Variants in ASXL1 observed in about 807,000 individuals in gnomAD.
ASXL1 encodes the protein polycomb group protein ASXL1.
In ASXL1, 65 loss-of-function variants were observed where a neutral mutation model predicts 89.1. That is an observed-to-expected ratio of 0.73 (90% CI 0.60 to 0.90). The LOEUF (loss-of-function observed/expected upper bound fraction) is 0.90, where lower values mean the gene tolerates loss of function less well. Ranked by LOEUF, ASXL1 falls within the 40% of genes least tolerant of loss-of-function variation. The pLI, the probability that ASXL1 is intolerant of heterozygous loss-of-function variation, is 0.00. For synonymous variants in ASXL1, 739 were observed against 746.9 expected (o/e 0.99, Z 0.17); for missense variants, 1,786 against 1,942.9 (o/e 0.92, Z 1.52).
At position 32,361,078 on chromosome 20, in the gene ASXL1, T is replaced by C. The variant is rs551733707; in HGVS notation, c.57+2246T>C. Among the ~76,000 whole-genome samples, 153 of 151,908 alleles carry C rather than the reference T, an allele frequency of 1.0e-3. 1 individual carries two copies. The highest frequency in any genetic ancestry group is 3.3e-3 in the African/African-American group (138 of 41,426). On this transcript the variant is annotated intron_variant, in intron 1 of 12. Transcript: ENST00000375687. ...TAGGAATTACTTTGTGGTGCTGTTA[T>C]ACATGTGAAAAAGGATTTGCGAGAC... is the stretch of plus-strand genomic sequence containing the variant.
intron 4 of ASXL1, among the ~76,000 whole-genome samples, chr20:32,420,791 A>T (rs189896594): frequency 6.6e-6 from 1 of 152,272 alleles, no homozygotes; most frequent in Admixed American, 6.5e-5. Context: ...TTTTTAAAAG[A>T]CAACTCAAAA....
intron 4 of ASXL1, among the ~76,000 whole-genome samples, chr20:32,394,592 T>C (rs559240223): frequency 3.9e-4 from 59 of 152,274 alleles, no homozygotes; most frequent in Non-Finnish European, 3.8e-4. Context: ...AAGAACCTTA[T>C]AGCAGTACAC....
chr20:32,398,746 A>G (rs891993116), intron 4 of ASXL1, among the ~76,000 whole-genome samples: 5 of 149,022 alleles, frequency 3.4e-5, no homozygotes, highest in Non-Finnish European at 1.5e-5. Context: ...AGTAGCTGGG[A>G]CTACAGGCGC....
chr20:32,428,455 T>C (rs1248958408), intron 6 of ASXL1, 33 bp downstream of exon 6: 1 of 1,563,512 alleles, frequency 6.4e-7, no homozygotes, highest in Admixed American at 1.7e-5. Flanking sequence ...CCTGGGAGGA[T>C]GAATGATGAC....
At chr20:32,416,215 A>T (rs2049135673) in intron 4 of ASXL1, among the ~76,000 whole-genome samples, 1 of 152,194 alleles carries the variant, frequency 6.6e-6, no homozygotes, top group South Asian at 2.1e-4. Context: ...TATATAGTAA[A>T]TTATTGTTTA....
chr20:32,429,277 G>A lies in ASXL1; in HGVS notation c.472-61G>A, dbSNP rs2011442384. 1 of 1,512,868 alleles carries A rather than the reference G, an allele frequency of 6.6e-7. No individual in the cohort carries two copies. Among genetic ancestry groups the A allele is most frequent in the Admixed American group, 1.8e-5 (1 of 56,832 alleles). 93.7% of individuals were successfully genotyped at this position (1,512,868 alleles called of 1,614,324 possible). ...GCGTGAGTAGAGATAGTGTCGCCAG[G>A]GAATGCTTTTGTGGCTCTGCAGTTG... On this transcript the variant is annotated intron_variant, in intron 6 of 12. Transcript: ENST00000375687. This position sits in a 1 kb window ranked among gnomAD's most constrained non-coding sequence, Gnocchi z 4.9.
intron 4 of ASXL1, among the ~76,000 whole-genome samples, chr20:32,392,788 C>T (rs2048695864): frequency 6.6e-6 from 1 of 151,950 alleles, no homozygotes; most frequent in Admixed American, 6.6e-5. Context: ...ATCCAGAGAT[C>T]TTACTGTTAC....
intron 1 of ASXL1, among the ~76,000 whole-genome samples, chr20:32,362,553 G>A (rs942518653): frequency 1.3e-5 from 2 of 152,304 alleles, no homozygotes; most frequent in Non-Finnish European, 2.9e-5. Context: ...GGAGAATGGC[G>A]TGAACGCGGG....
chr20:32,405,680 T>C (rs2048942576), intron 4 of ASXL1, among the ~76,000 whole-genome samples: 1 of 152,196 alleles, frequency 6.6e-6, no homozygotes, highest in Non-Finnish European at 1.5e-5. Context: ...CTTTGAAGAC[T>C]ACAGACCAGT....
chr20:32,363,922 C>A (rs1340929455), intron 1 of ASXL1, among the ~76,000 whole-genome samples: 2 of 152,104 alleles, frequency 1.3e-5, no homozygotes, highest in Non-Finnish European at 2.9e-5. Context: ...GAGGCAGAGA[C>A]CAGATTGTGA....
At chr20:32,361,936 G>T (rs1489907632) in intron 1 of ASXL1, among the ~76,000 whole-genome samples, 1 of 151,884 alleles carries the variant, frequency 6.6e-6, no homozygotes, top group Non-Finnish European at 1.5e-5. Flanking sequence ...CATGGTGATG[G>T]TGCATGCCTG....
In ASXL1 at chr20:32,406,096, G is replaced by T. The variant is rs370063735; in HGVS notation, c.253-22032G>T. 5.7e-4 allele frequency among the ~76,000 whole-genome samples: 87 copies of T among 152,088 alleles called. 1 individual carries two copies. The highest frequency in any genetic ancestry group is 1.8e-3 in the African/African-American group (75 of 41,504). ...TGGGAAGGGGCTAAGGAATATATGG[G>T]TATATTTACATACATACACATATGT... On this transcript the variant is annotated intron_variant, in intron 4 of 12. Coordinates refer to ENST00000375687, the MANE Select transcript of ASXL1 (RefSeq NM_015338.6).
chr20:32,359,899 G>A (rs1600457974), intron 1 of ASXL1: 1 of 712,912 alleles, frequency 1.4e-6, no homozygotes, highest in Non-Finnish European at 2.6e-6. Context: ...TAAGATGTCA[G>A]TTCCTAAGAT....
intron 1 of ASXL1, chr20:32,360,591 G>A (rs1277374643): frequency 6.5e-6 from 1 of 152,948 alleles, no homozygotes; most frequent in Non-Finnish European, 1.5e-5. Context: ...TTAGAGGTAG[G>A]TGAAAGTACT....
chr20:32,365,640 C>T (rs1167448828), intron 1 of ASXL1, among the ~76,000 whole-genome samples: 1 of 152,176 alleles, frequency 6.6e-6, no homozygotes, highest in Non-Finnish European at 1.5e-5. Flanking sequence ...TAAAACAACT[C>T]TTAAAGCAAG....
chr20:32,435,923 G>A lies in ASXL1; in HGVS notation c.3211G>A (p.Ala1071Thr), dbSNP rs768022784. The change falls in exon 13 of 13, where the codon GCG (alanine) becomes ACG (threonine). Residue 1071 changes from alanine to threonine, a missense_variant. Physicochemically the swap from Ala to Thr is moderately conservative, Grantham distance 58. Around this residue, in one of 3 missense-constraint regions of ASXL1, gnomAD observed 1,418 missense variants for 1,427.8 expected, o/e 0.99. Coordinates refer to ENST00000375687, the MANE Select transcript of ASXL1 (RefSeq NM_015338.6). Reference protein sequence around the residue: ...APQSWVSRVCAVRQKIPDSLL... With the variant: ...APQSWVSRVCTVRQKIPDSLL... Reference sequence around the variant, plus strand: ...TCAGAGCTGGGTGTCTCGAGTATGTGCGGTCCGCCAAAAGATCCCAGATTC... The same window carrying A: ...TCAGAGCTGGGTGTCTCGAGTATGTACGGTCCGCCAAAAGATCCCAGATTC... 3 of 1,614,192 alleles carry A rather than the reference G, an allele frequency of 1.9e-6. No individual in the cohort carries two copies. Among genetic ancestry groups the A allele is most frequent in the Admixed American group, 3.3e-5 (2 of 60,026 alleles).
intron 4 of ASXL1, 134 bp downstream of exon 4, chr20:32,369,257 C>CT (rs974151155): frequency 6.3e-5 from 55 of 867,414 alleles, no homozygotes; most frequent in Non-Finnish European, 8.3e-5. Context: ...TGATGTTTTT[C>CT]TTTTTTTTAG....
intron 4 of ASXL1, among the ~76,000 whole-genome samples, chr20:32,423,566 T>G (rs2011196649): frequency 1.3e-5 from 2 of 151,658 alleles, no homozygotes; most frequent in African/African-American, 4.9e-5. Context: ...TATTTATGTA[T>G]TTGAGATGGA....
intron 4 of ASXL1, among the ~76,000 whole-genome samples, chr20:32,385,726 C>T (rs1367729663): frequency 1.3e-5 from 2 of 152,228 alleles, no homozygotes; most frequent in East Asian, 1.9e-4. Flanking sequence ...ACTTTCACTT[C>T]GCCCCCTTAC....
Sources: gnomAD v4.1 joint callset for allele counts (sites outside exome capture counted in the v4.1 genomes callset) on GRCh38, gnomAD v4.1.1 for gene constraint, gnomAD v4.1.1 regional missense constraint, Gnocchi (gnomAD v3.1) non-coding constraint, MANE v1.5 for transcripts, NCBI Gene and HGNC (gene_info 2026-07-23, HGNC 2026-07-21) for gene names.